Variants in SCFD2 observed in about 807,000 individuals in gnomAD.
The protein encoded by SCFD2 is sec1 family domain containing 2, also known as sec1 family domain-containing protein 2.
Under a neutral mutation model 58.9 loss-of-function variants are expected in SCFD2, and 54 were observed. The ratio of observed to expected loss-of-function variants is 0.92; its 90% CI spans 0.74 to 1.15. The LOEUF (loss-of-function observed/expected upper bound fraction) is 1.15. SCFD2 is among the 50% of genes most tolerant of loss of function. The pLI is 0.00. For missense variants in SCFD2, 805 were observed against 836.6 expected, an observed-to-expected ratio of 0.96 and a Z score of 0.47; for synonymous variants, 321 against 335.9, an observed-to-expected ratio of 0.96 and a Z score of 0.49.
intron 2 of SCFD2, among the ~76,000 whole-genome samples, chr4:53,325,576 G>A (rs1416187011): frequency 6.6e-6 from 1 of 152,158 alleles, no homozygotes; most frequent in Admixed American, 6.5e-5. Context: ...AAAAGGCATC[G>A]TTGGAATGTG....
chr4:52,935,175 T>G (rs912845450), intron 5 of SCFD2, among the ~76,000 whole-genome samples: 7 of 152,228 alleles, frequency 4.6e-5, no homozygotes, highest in Non-Finnish European at 8.8e-5. Flanking sequence ...CCCAAAACAG[T>G]GCTTGTGCTT....
chr4:53,039,674 A>G (rs372886564), intron 5 of SCFD2, among the ~76,000 whole-genome samples: 2 of 152,318 alleles, frequency 1.3e-5, no homozygotes, highest in African/African-American at 4.8e-5. Flanking sequence ...TATAGCTACC[A>G]GGTAAGGGTG....
chr4:53,139,970 T>G (rs1726077997), intron 5 of SCFD2, among the ~76,000 whole-genome samples: 2 of 152,046 alleles, frequency 1.3e-5, no homozygotes, highest in South Asian at 2.1e-4. Context: ...TTAAGGGCGG[T>G]GCAAGATGTG....
chr4:53,252,351 C>T (rs1402357226), intron 4 of SCFD2, among the ~76,000 whole-genome samples: 26 of 150,738 alleles, frequency 1.7e-4, no homozygotes, highest in African/African-American at 6.1e-4. Flanking sequence ...ATCAAGCTAC[C>T]AATGCCTTTC....
intron 5 of SCFD2, among the ~76,000 whole-genome samples, chr4:53,144,954 T>C (rs1374424317): frequency 6.6e-6 from 1 of 152,134 alleles, no homozygotes; most frequent in African/African-American, 2.4e-5. Flanking sequence ...CAAGCAAGCA[T>C]TACTGCCTGA....
At chr4:53,255,963 G>T (rs189408942) in intron 4 of SCFD2, among the ~76,000 whole-genome samples, 3,353 of 149,616 alleles carry the variant, frequency 0.022, 82 homozygotes, top group East Asian at 0.13. Context: ...CTGGCCGGGT[G>T]GGGGGCTGAC....
chr4:53,236,566 TTAAC>T (rs1194587342), intron 4 of SCFD2, among the ~76,000 whole-genome samples: 2 of 150,464 alleles, frequency 1.3e-5, no homozygotes, highest in Non-Finnish European at 3.0e-5. Flanking sequence ...TTATATAAAG[TTAAC>T]TAACTTTGAG....
At chr4:53,360,847 T>G (rs568623807) in intron 1 of SCFD2, among the ~76,000 whole-genome samples, 1 of 152,380 alleles carries the variant, frequency 6.6e-6, no homozygotes, top group South Asian at 2.1e-4. Flanking sequence ...TGTGTTAGAA[T>G]GCCCATAGCA....
chr4:52,911,878 A>AG (rs745870093), intron 6 of SCFD2, among the ~76,000 whole-genome samples: 2 of 152,184 alleles, frequency 1.3e-5, no homozygotes, highest in Admixed American at 6.5e-5. Flanking sequence ...CTCTGCCGAT[A>AG]GGGGGCACTC....
chr4:53,023,472 GGT>G (rs1467473195), intron 5 of SCFD2, among the ~76,000 whole-genome samples: 1 of 152,010 alleles, frequency 6.6e-6, no homozygotes, highest in Non-Finnish European at 1.5e-5. Flanking sequence ...CTCACAGAGT[GGT>G]GTCTGGGTGG....
intron 5 of SCFD2, among the ~76,000 whole-genome samples, chr4:53,105,919 G>T (rs1724986704): frequency 6.7e-6 from 1 of 150,320 alleles, no homozygotes; most frequent in Admixed American, 6.6e-5. Context: ...CCCAGCAGGG[G>T]TTGACAGACA....
At chr4:53,165,845 G>A (rs1726990965) in intron 4 of SCFD2, among the ~76,000 whole-genome samples, 2 of 152,276 alleles carry the variant, frequency 1.3e-5, no homozygotes, top group Non-Finnish European at 2.9e-5. Flanking sequence ...AATAAATGAA[G>A]TCTCTAAATA....
chr4:52,972,067 A>G (rs897263579), intron 5 of SCFD2, among the ~76,000 whole-genome samples: 4 of 152,246 alleles, frequency 2.6e-5, no homozygotes, highest in Non-Finnish European at 4.4e-5. Flanking sequence ...AAAACATGCC[A>G]AATTGTAAAG....
intron 5 of SCFD2, among the ~76,000 whole-genome samples, chr4:53,091,531 A>G (rs9991167): frequency 0.35 from 52,628 of 151,958 alleles, 9,411 homozygotes; most frequent in Middle Eastern, 0.52. Context: ...AACATATAAA[A>G]TATTAACATG....
intron 5 of SCFD2, among the ~76,000 whole-genome samples, chr4:53,060,241 T>C (rs1723465919): frequency 6.6e-6 from 1 of 152,150 alleles, no homozygotes; most frequent in Non-Finnish European, 1.5e-5. Context: ...TTAATTCTAC[T>C]TTCTCTATGA....
intron 2 of SCFD2, among the ~76,000 whole-genome samples, chr4:53,314,080 A>C (rs1732784850): frequency 6.6e-6 from 1 of 152,240 alleles, no homozygotes; most frequent in Non-Finnish European, 1.5e-5. Flanking sequence ...TCAACTCAAC[A>C]TCACTAGAGT....
chr4:53,257,957 A>G (rs958745030), intron 4 of SCFD2, among the ~76,000 whole-genome samples: 53 of 152,158 alleles, frequency 3.5e-4, no homozygotes, highest in African/African-American at 1.2e-3. Context: ...CCTACATGTT[A>G]TGAGATAGGG....
intron 1 of SCFD2, among the ~76,000 whole-genome samples, chr4:53,354,449 G>T (rs933238098): frequency 2.0e-5 from 3 of 152,202 alleles, no homozygotes; most frequent in African/African-American, 7.2e-5. Flanking sequence ...GTTCCTGCCC[G>T]TGCCTCTTCC....
intron 4 of SCFD2, among the ~76,000 whole-genome samples, chr4:53,192,851 G>A (rs1727953591): frequency 6.6e-6 from 1 of 151,970 alleles, no homozygotes; most frequent in Non-Finnish European, 1.5e-5. Flanking sequence ...TAATAGGATA[G>A]CACATTTAAA....
Sources: allele counts gnomAD v4.1 joint callset (sites outside exome capture counted in the v4.1 genomes callset), GRCh38; gene constraint gnomAD v4.1.1; transcripts MANE v1.5; gene names NCBI Gene and HGNC (gene_info 2026-07-23, HGNC 2026-07-21).